The following CHRDL1 variants were observed in gnomAD, a reference collection of about 807,000 sequenced individuals.
The protein encoded by CHRDL1 is chordin-like protein 1.
Under a neutral mutation model 40.9 loss-of-function variants are expected in CHRDL1, and 19 were observed. The ratio of observed to expected loss-of-function variants is 0.46; its 90% CI spans 0.32 to 0.68. The LOEUF (loss-of-function observed/expected upper bound fraction) is 0.68, where lower values mean the gene tolerates loss of function less well. Ranked by LOEUF, CHRDL1 falls within the 30% of genes least tolerant of loss-of-function variation. The probability of loss-of-function intolerance (pLI) is 0.03; values close to 1 mark genes in which losing one functional copy is unlikely to be tolerated. For missense variants in CHRDL1, 329 were observed against 352.1 expected (o/e 0.93, Z 0.53); for synonymous variants, 136 against 123.4 (o/e 1.10, Z -0.68).
rs185029496 is a variant in CHRDL1 at position 110,787,888 on chromosome X, T to C, written c.94+4200A>G. Reference sequence around the variant, plus strand: ...AGGCTGGTCTATTAGAAATACATAATTGAATATTCTTAACAATTCAATTCT... The same window carrying C: ...AGGCTGGTCTATTAGAAATACATAACTGAATATTCTTAACAATTCAATTCT... On this transcript the variant is annotated intron_variant, in intron 2 of 11. Coordinates refer to ENST00000372042, the MANE Select transcript of CHRDL1 (RefSeq NM_001143981.2). Among the ~76,000 whole-genome samples the C allele has an allele frequency of 2.5e-4, 28 of 112,856 alleles. No homozygotes were observed. The South Asian group carries it at 7.6e-3, about 31-fold the overall frequency.
chrX:110,703,005 G>A (rs1032959051), intron 6 of CHRDL1, among the ~76,000 whole-genome samples: 2 of 111,896 alleles, frequency 1.8e-5, no homozygotes, highest in African/African-American at 6.5e-5. Context: ...TCTCCCTAGA[G>A]AGTCTGTAAA....
chrX:110,778,318 G>A (rs2089885484), intron 2 of CHRDL1, among the ~76,000 whole-genome samples: 1 of 111,943 alleles, frequency 8.9e-6, no homozygotes, highest in Non-Finnish European at 1.9e-5. Flanking sequence ...TAAACAGATA[G>A]CCTACAGAAT....
intron 3 of CHRDL1, among the ~76,000 whole-genome samples, 172 bp downstream of exon 3, chrX:110,762,523 T>C (rs1388049768): frequency 8.9e-6 from 1 of 111,994 alleles, no homozygotes; most frequent in Non-Finnish European, 1.9e-5. Flanking sequence ...GTGATCCACA[T>C]GCCTCAGCCT....
At chrX:110,728,161 T>C (rs1029487792) in intron 4 of CHRDL1, among the ~76,000 whole-genome samples, 1 of 110,301 alleles carries the variant, frequency 9.1e-6, no homozygotes, top group South Asian at 3.9e-4. Context: ...TTCATAAAAA[T>C]CTGGAAAGAT....
intron 7 of CHRDL1, among the ~76,000 whole-genome samples, chrX:110,696,523 GAGGAAGAGA>G (rs1246747440): frequency 9.0e-6 from 1 of 110,535 alleles, no homozygotes; most frequent in East Asian, 2.8e-4. Context: ...TGAATAGAAG[GAGGAAGAGA>G]AGGAGAAGAA....
chrX:110,753,496 A>G (rs1569479069), intron 4 of CHRDL1, among the ~76,000 whole-genome samples: 1 of 112,085 alleles, frequency 8.9e-6, no homozygotes, highest in Non-Finnish European at 1.9e-5. Flanking sequence ...CCACTTGTAC[A>G]ATATTGTAAA....
In CHRDL1 at chrX:110,674,373, G is replaced by A. The variant is rs1425207588; in HGVS notation, c.*1858C>T. On this transcript the variant is annotated 3_prime_UTR_variant, in exon 12 of 12. Coordinates refer to ENST00000372042, the MANE Select transcript of CHRDL1 (RefSeq NM_001143981.2). ...AAGGAGAAACACCTCTTTGCCTTAGGATCTAGTTACTAGTCTCCACATTAT... is the reference window on the plus strand; with the variant it reads ...AAGGAGAAACACCTCTTTGCCTTAGAATCTAGTTACTAGTCTCCACATTAT... The A allele has an allele frequency of 1.8e-5, 2 of 109,103 alleles. No individual in the cohort carries two copies. Among genetic ancestry groups the A allele is most frequent in the East Asian group, 5.8e-4 (2 of 3,442 alleles). The allele number at this position is 109,103 out of a possible 1,213,427, so 9.0% of individuals were successfully genotyped here.
intron 4 of CHRDL1, among the ~76,000 whole-genome samples, chrX:110,758,145 C>T (rs74587899): frequency 1.0e-5 from 1 of 98,712 alleles, no homozygotes; most frequent in Admixed American, 1.1e-4. Context: ...AAAAAAAAAA[C>T]AAAGAAGCTC....
Position 110,705,304 on chromosome X carries a change from T to TATATATATACAC in CHRDL1, c.542-4584_542-4583insGTGTATATATAT, listed in dbSNP as rs1491498596. Among the ~76,000 whole-genome samples, 665 of 77,549 alleles carry TATATATATACAC rather than the reference T, an allele frequency of 8.6e-3. 10 individuals carry two copies. Among genetic ancestry groups the TATATATATACAC allele is most frequent in the African/African-American group, 0.036 (637 of 17,659 alleles). The allele number at this position is 77,549 out of a possible 115,157, so 67.3% of individuals were successfully genotyped here. On this transcript the variant is annotated intron_variant, in intron 6 of 11. Coordinates refer to ENST00000372042, the MANE Select transcript of CHRDL1 (RefSeq NM_001143981.2). ...GACTATATATATATATATATATATA[T>TATATATATACAC]ACACACACACATATATATATACACA...
chrX:110,795,539 C>G lies in CHRDL1; in HGVS notation c.-35+205G>C, dbSNP rs6642804. ...GCTGTGAGTTCGAATTCAGAGACCC[C>G]CAACTTGCTTTGGTCAGAAGCCTTG... On this transcript the variant is annotated intron_variant, in intron 1 of 11. Transcript: ENST00000372042. 3.1e-4 allele frequency: 34 copies of G among 111,176 alleles called. No individual in the cohort carries two copies. In the East Asian group the frequency reaches 9.2e-3, roughly 30 times the overall value. 9.2% of individuals were successfully genotyped at this position (111,176 alleles called of 1,213,427 possible).
chrX:110,705,693 A>G (rs2070624078), intron 6 of CHRDL1, among the ~76,000 whole-genome samples: 1 of 107,283 alleles, frequency 9.3e-6, no homozygotes. Flanking sequence ...CAAATATTCC[A>G]AAATCCAAAA....
intron 9 of CHRDL1, among the ~76,000 whole-genome samples, chrX:110,683,667 CTGAA>C (rs2069947678): frequency 9.0e-6 from 1 of 111,459 alleles, no homozygotes; most frequent in African/African-American, 3.3e-5. Context: ...GCAGACGTAT[CTGAA>C]TGTGTGTTCT....
rs2071085906 is a variant in CHRDL1 at position 110,727,885 on chromosome X, T to C, written c.302-6355A>G. ...CATGTGTGAAACATATAAAAATTATTCATTGCAGCATTGTTTGTAATGGCT... is the reference window on the plus strand; with the variant it reads ...CATGTGTGAAACATATAAAAATTATCCATTGCAGCATTGTTTGTAATGGCT... On this transcript the variant is annotated intron_variant, in intron 4 of 11. Transcript: ENST00000372042. Among the ~76,000 whole-genome samples the C allele has an allele frequency of 7.1e-5, 8 of 112,023 alleles. No individual in the cohort carries two copies. In the South Asian group the frequency reaches 3.0e-3, roughly 41 times the overall value.
intron 6 of CHRDL1, among the ~76,000 whole-genome samples, chrX:110,715,435 A>G (rs964962536): frequency 8.9e-6 from 1 of 111,802 alleles, no homozygotes; most frequent in Admixed American, 9.5e-5. Flanking sequence ...ATAACTCTGT[A>G]TTAGGCCATC....
At chrX:110,771,320 C>A (rs1406860151) in intron 2 of CHRDL1, among the ~76,000 whole-genome samples, 1 of 111,315 alleles carries the variant, frequency 9.0e-6, no homozygotes, top group Non-Finnish European at 1.9e-5. Context: ...GGAATACTTC[C>A]CAACTGAATA....
rs764594940 is a variant in CHRDL1 at position 110,689,969 on chromosome X, A to C, written c.779-1166T>G. Among the ~76,000 whole-genome samples the C allele has an allele frequency of 2.8e-3, 120 of 42,740 alleles. 12 individuals carry two copies. Among genetic ancestry groups the C allele is most frequent in the African/African-American group, 5.4e-3 (26 of 4,833 alleles). The allele number at this position is 42,740 out of a possible 115,157, so 37.1% of individuals were successfully genotyped here. The stretch of plus-strand genomic sequence containing the variant: ...TATATCTATATATATCTATATATCT[A>C]TATATATCTATATATCTATATATAT... On this transcript the variant is annotated intron_variant, in intron 8 of 11. Coordinates refer to ENST00000372042, the MANE Select transcript of CHRDL1 (RefSeq NM_001143981.2).
intron 7 of CHRDL1, among the ~76,000 whole-genome samples, chrX:110,699,571 C>T (rs1335671334): frequency 2.7e-5 from 3 of 112,353 alleles, no homozygotes; most frequent in African/African-American, 6.5e-5. Context: ...CTCCTGCCCA[C>T]TTCTACTCCT....
intron 4 of CHRDL1, among the ~76,000 whole-genome samples, chrX:110,756,279 A>C (rs1343118181): frequency 8.9e-6 from 1 of 112,238 alleles, no homozygotes; most frequent in African/African-American, 3.2e-5. Context: ...AAAGTACAGC[A>C]ATAAATGGGA....
intron 3 of CHRDL1, among the ~76,000 whole-genome samples, chrX:110,760,278 G>A (rs996864262): frequency 8.9e-6 from 1 of 112,137 alleles, no homozygotes; most frequent in Non-Finnish European, 1.9e-5. Flanking sequence ...TTCTGAGGAC[G>A]AGCTAGAGTT....
Sources: gnomAD v4.1 joint callset for allele counts (sites outside exome capture counted in the v4.1 genomes callset) on GRCh38, gnomAD v4.1.1 for gene constraint, MANE v1.5 for transcripts, NCBI Gene and HGNC (gene_info 2026-07-23, HGNC 2026-07-21) for gene names.